ARHGAP39: variants seen among roughly 807,000 people sequenced by gnomAD.
ARHGAP39 encodes the protein rho GTPase-activating protein 39.
ARHGAP39 carries 44 observed loss-of-function variants against 106.9 expected under a neutral mutation model. The observed-to-expected ratio is 0.41, with a 90% CI of 0.32 to 0.53. ARHGAP39 has a LOEUF of 0.53. Among genes scored for constraint, ARHGAP39 ranks in the 20% least tolerant of loss-of-function variants. The pLI is 0.21. For missense variants in ARHGAP39, 1,496 were observed against 1,577.3 expected, an observed-to-expected ratio of 0.95 and a Z score of 0.87; for synonymous variants, 768 against 693.2, an observed-to-expected ratio of 1.11 and a Z score of -1.69.
chr8:144,606,328 C>T (rs968597665), intron 1 of ARHGAP39, among the ~76,000 whole-genome samples: 2 of 152,150 alleles, frequency 1.3e-5, no homozygotes, highest in East Asian at 3.8e-4. Flanking sequence ...CTCTGCCTCC[C>T]CTGAGACAGC....
At chr8:144,575,014 C>T (rs1381828498) in intron 3 of ARHGAP39, among the ~76,000 whole-genome samples, 2 of 152,200 alleles carry the variant, frequency 1.3e-5, no homozygotes, top group Admixed American at 6.5e-5. Context: ...AGGCTACACA[C>T]CTCAGCATTA....
rs1280421643 is a variant in ARHGAP39 at position 144,585,963 on chromosome 8, G to A, written c.81-4686C>T. ...GCCAGGCTCTCCACTCTTGTTACCTGACCCCCGTGACTCAGGGTAGTTTTT... is the reference window on the plus strand; with the variant it reads ...GCCAGGCTCTCCACTCTTGTTACCTAACCCCCGTGACTCAGGGTAGTTTTT... On this transcript the variant is annotated intron_variant, in intron 2 of 11. Coordinates refer to ENST00000377307, the MANE Select transcript of ARHGAP39 (RefSeq NM_025251.3). The surrounding 1 kb of genome is among the most constrained non-coding windows in gnomAD (Gnocchi z 4.6). Among the ~76,000 whole-genome samples the A allele has an allele frequency of 6.6e-6, 1 of 152,116 alleles. No homozygotes were observed. Among genetic ancestry groups the A allele is most frequent in the Non-Finnish European group, 1.5e-5 (1 of 68,008 alleles).
At chr8:144,602,330 C>A (rs1311662250) in intron 2 of ARHGAP39, among the ~76,000 whole-genome samples, 1 of 93,588 alleles carries the variant, frequency 1.1e-5, no homozygotes, top group South Asian at 3.8e-4. Context: ...GGCGTGCGTG[C>A]GAGCTCGTGT....
At chr8:144,541,271 C>T (rs540029757) in intron 6 of ARHGAP39, among the ~76,000 whole-genome samples, 5 of 152,350 alleles carry the variant, frequency 3.3e-5, no homozygotes, top group African/African-American at 9.6e-5. Flanking sequence ...TCAGCTTTTC[C>T]GTTTCCCACC....
At chr8:144,674,765 C>A (rs113108638) in intron 1 of ARHGAP39, among the ~76,000 whole-genome samples, 1 of 152,188 alleles carries the variant, frequency 6.6e-6, no homozygotes, top group Non-Finnish European at 1.5e-5. Flanking sequence ...CTCCTGTGCT[C>A]GCTCGTCGGC....
chr8:144,589,468 CAG>C (rs1819309070), intron 2 of ARHGAP39, among the ~76,000 whole-genome samples: 1 of 152,146 alleles, frequency 6.6e-6, no homozygotes, highest in Non-Finnish European at 1.5e-5. Context: ...CTGACACTAA[CAG>C]GGTGGAATGA....
At chr8:144,623,055 G>A (rs1434516333) in intron 1 of ARHGAP39, among the ~76,000 whole-genome samples, 1 of 152,246 alleles carries the variant, frequency 6.6e-6, no homozygotes, top group East Asian at 1.9e-4. Flanking sequence ...AGGCTGCAAC[G>A]GGGAGGGCAA....
At chr8:144,538,364 C>T (rs951512659) in intron 6 of ARHGAP39, among the ~76,000 whole-genome samples, 1 of 152,236 alleles carries the variant, frequency 6.6e-6, no homozygotes, top group Non-Finnish European at 1.5e-5. Flanking sequence ...GGCTGGCAGG[C>T]TCCTGTGAGG....
chr8:144,638,379 T>C (rs1435906302), intron 1 of ARHGAP39, among the ~76,000 whole-genome samples: 1 of 152,236 alleles, frequency 6.6e-6, no homozygotes, highest in East Asian at 1.9e-4. Flanking sequence ...TTCCATTACC[T>C]AGGGACTCAA....
chr8:144,639,338 AAAAG>A (rs1204395548), intron 1 of ARHGAP39, among the ~76,000 whole-genome samples: 4,353 of 145,954 alleles, frequency 0.03, 146 homozygotes, highest in African/African-American at 0.1. Flanking sequence ...AAAAAAAAAA[AAAAG>A]AAAGAAAGAA....
chr8:144,623,469 T>A (rs144866469), intron 1 of ARHGAP39, among the ~76,000 whole-genome samples: 2 of 152,256 alleles, frequency 1.3e-5, no homozygotes, highest in East Asian at 3.9e-4. Context: ...AAGTCAAGAA[T>A]GGAAGAGACA....
intron 1 of ARHGAP39, among the ~76,000 whole-genome samples, chr8:144,663,668 G>T (rs932531409): frequency 6.6e-6 from 1 of 152,068 alleles, no homozygotes; most frequent in Non-Finnish European, 1.5e-5. Flanking sequence ...CCCATTCCCC[G>T]GGAGGCCTCC....
At chr8:144,601,252 G>T (rs111206472) in intron 2 of ARHGAP39, among the ~76,000 whole-genome samples, 5 of 141,212 alleles carry the variant, frequency 3.5e-5, no homozygotes, top group African/African-American at 1.3e-4. Flanking sequence ...GCATGGAGGC[G>T]TGTGTGCTCG....
At chr8:144,619,721 T>C (rs774538017) in intron 1 of ARHGAP39, among the ~76,000 whole-genome samples, 13 of 148,868 alleles carry the variant, frequency 8.7e-5, no homozygotes, top group Admixed American at 2.0e-4. Context: ...AAAAAGCATA[T>C]GTGTCCGTGT....
chr8:144,530,458 C>T lies in ARHGAP39; in HGVS notation c.3309G>A (p.Gln1103=), dbSNP rs745482107. The change falls in exon 12 of 12, where the codon CAG becomes CAA. Residue 1103 remains glutamine (Q), a synonymous_variant. Coordinates refer to ENST00000377307, the MANE Select transcript of ARHGAP39 (RefSeq NM_025251.3). ...CCTCCATGAAGCTGGTGTCCAGGTG[C>T]TGGATGAGCACCCGCAGGAAGGACA... ...KEMSFLRVLI[Q]HLDTSFMEGV... 6 of 1,610,420 alleles carry T rather than the reference C, an allele frequency of 3.7e-6. No homozygotes were observed. Among genetic ancestry groups the T allele is most frequent in the South Asian group, 2.2e-5 (2 of 90,702 alleles).
chr8:144,562,275 G>T (rs1040779837), intron 3 of ARHGAP39, among the ~76,000 whole-genome samples: 2 of 147,112 alleles, frequency 1.4e-5, no homozygotes, highest in Non-Finnish European at 3.0e-5. Flanking sequence ...TGCTCCAGTG[G>T]TTTCCATCGT....
intron 2 of ARHGAP39, among the ~76,000 whole-genome samples, chr8:144,596,582 G>C (rs559631184): frequency 5.3e-5 from 8 of 152,344 alleles, no homozygotes; most frequent in Admixed American, 3.9e-4. Context: ...CTGCATGGAG[G>C]GGGTGCTGCG....
At chr8:144,550,010 C>T (rs116766916) in intron 4 of ARHGAP39, among the ~76,000 whole-genome samples, 1,586 of 152,302 alleles carry the variant, frequency 0.01, 30 homozygotes, top group African/African-American at 0.036. Flanking sequence ...TGGTGGCTCA[C>T]GTCTGTAATC....
rs546333240 is a variant in ARHGAP39, at chr8:144,675,387, G to A, written c.-82+10299C>T. On this transcript the variant is annotated intron_variant, in intron 1 of 11. Coordinates refer to ENST00000377307, the MANE Select transcript of ARHGAP39 (RefSeq NM_025251.3). ...TCTTGCTGACTTCAAGAACGAAGCC[G>A]CGGACCCTCGCGGTGAGTGTTACAG... Among the ~76,000 whole-genome samples the A allele has an allele frequency of 5.9e-5, 9 of 152,316 alleles. No individual in the cohort carries two copies. The South Asian group carries it at 8.3e-4, about 14-fold the overall frequency.
Sources: gnomAD v4.1 joint callset for allele counts (sites outside exome capture counted in the v4.1 genomes callset) on GRCh38, gnomAD v4.1.1 for gene constraint, Gnocchi (gnomAD v3.1) non-coding constraint, MANE v1.5 for transcripts, NCBI Gene and HGNC (gene_info 2026-07-23, HGNC 2026-07-21) for gene names.